The following ZMYM1 variants were observed in gnomAD, a reference collection of about 807,000 sequenced individuals.
ZMYM1 encodes zinc finger MYM-type protein 1.
Under a neutral mutation model 60.0 loss-of-function variants are expected in ZMYM1, and 39 were observed. The ratio of observed to expected loss-of-function variants is 0.65; its 90% CI spans 0.50 to 0.85. The LOEUF is 0.85. ZMYM1 is among the 40% of genes least tolerant of loss of function. The probability of loss-of-function intolerance (pLI) is 0.00; values close to 1 mark genes in which losing one functional copy is unlikely to be tolerated. For synonymous variants in ZMYM1, 413 were observed against 454.0 expected (o/e 0.91, Z 1.15); for missense variants, 1,171 against 1,309.5 (o/e 0.89, Z 1.63).
In ZMYM1 at chr1:35,079,410, A is replaced by T. The variant is rs1642243629; in HGVS notation, c.-107A>T. 4.0e-5 allele frequency: 1 copy of T among 25,210 alleles called. No individual in the cohort carries two copies. The highest frequency in any genetic ancestry group is 6.0e-4 in the Admixed American group (1 of 1,668). 1.6% of individuals were successfully genotyped at this position (25,210 alleles called of 1,614,324 possible). On this transcript the variant is annotated 5_prime_UTR_variant, in exon 1 of 10. Transcript: ENST00000359858. ...CGTTTCGCTTCGAAGATTGTTTCAG[A>T]AGCGTTGGGCGGGGCGTCCCTGAGA...
intron 1 of ZMYM1, among the ~76,000 whole-genome samples, chr1:35,068,181 G>A (rs1022326638): frequency 6.6e-6 from 1 of 152,018 alleles, no homozygotes; most frequent in South Asian, 2.1e-4. Context: ...CACTTTGAGA[G>A]ACCAAGATGG....
At chr1:35,086,851 T>A (rs1335442303) in intron 1 of ZMYM1, among the ~76,000 whole-genome samples, 2 of 151,678 alleles carry the variant, frequency 1.3e-5, no homozygotes, top group Non-Finnish European at 1.5e-5. Context: ...TTGGCTAATT[T>A]TTTTTGTATT....
intron 9 of ZMYM1, 70 bp downstream of exon 9, chr1:35,112,200 C>T: frequency 6.6e-7 from 1 of 1,506,248 alleles, no homozygotes; most frequent in Non-Finnish European, 9.2e-7. Context: ...GTTGTTGAGA[C>T]AGAGTCTCGC....
chr1:35,116,842 T>TTA (rs1166306902), downstream of ZMYM1, among the ~76,000 whole-genome samples: 1 of 131,292 alleles, frequency 7.6e-6, no homozygotes, highest in Non-Finnish European at 1.6e-5. Flanking sequence ...GGAATTTTTT[T>TTA]TTTTTTTTTT....
chr1:35,094,057 A>G lies in ZMYM1; in HGVS notation c.70A>G (p.Ile24Val), dbSNP rs1305820163. 3 of 1,611,260 alleles carry G rather than the reference A, an allele frequency of 1.9e-6. No individual in the cohort carries two copies. Among genetic ancestry groups the G allele is most frequent in the Non-Finnish European group, 1.7e-6 (2 of 1,178,410 alleles). Reference protein sequence around the residue: ...VASQLGLLDEIKTEPDNAQEY... With the variant: ...VASQLGLLDEVKTEPDNAQEY... ...ATCACAGCTGGGGCTGCTAGATGAA[A>G]TTAAGACAGAACCCGACAATGCTCA... Residue 24 changes from isoleucine (I) to valine (V), a missense_variant, in exon 2 of 10, where the codon ATT (isoleucine) becomes GTT (valine). Transcript: ENST00000359858.
chr1:35,104,100 C>A, intron 4 of ZMYM1, 195 bp from the exon 5 acceptor site: 1 of 473,306 alleles, frequency 2.1e-6, no homozygotes, highest in Non-Finnish European at 3.7e-6. Context: ...ATTAGATGTG[C>A]TTTATAATCT....
At chr1:35,103,728 A>G (rs1443998089) in intron 4 of ZMYM1, among the ~76,000 whole-genome samples, 1 of 152,210 alleles carries the variant, frequency 6.6e-6, no homozygotes, top group Non-Finnish European at 1.5e-5. Flanking sequence ...TTGCAAAGTG[A>G]TGTTGCAAAC....
intron 1 of ZMYM1, among the ~76,000 whole-genome samples, chr1:35,067,850 A>G (rs1051439506): frequency 2.6e-5 from 4 of 151,724 alleles, no homozygotes; most frequent in African/African-American, 9.7e-5. Context: ...ACTCCAGTCT[A>G]GGCGACAAGA....
chr1:35,081,429 T>G (rs954312035), intron 1 of ZMYM1, among the ~76,000 whole-genome samples: 1 of 152,076 alleles, frequency 6.6e-6, no homozygotes, highest in Non-Finnish European at 1.5e-5. Flanking sequence ...GCACATTGTA[T>G]ATACATTAGA....
intron 9 of ZMYM1, 81 bp from the exon 10 acceptor site, chr1:35,112,894 CTA>C: frequency 3.3e-6 from 4 of 1,223,724 alleles, no homozygotes; most frequent in Non-Finnish European, 4.3e-6. Context: ...ATTTATTTTA[CTA>C]TGTTATTAGA....
chr1:35,070,279 G>T (rs1433070296), intron 1 of ZMYM1, among the ~76,000 whole-genome samples: 3 of 151,924 alleles, frequency 2.0e-5, no homozygotes. Context: ...ATGTTTTATG[G>T]TTTTCCATGT....
At chr1:35,088,805 C>CTTTTTTTTTTT (rs375136566) in intron 1 of ZMYM1, among the ~76,000 whole-genome samples, 5 of 119,614 alleles carry the variant, frequency 4.2e-5, no homozygotes, top group Non-Finnish European at 8.2e-5. Flanking sequence ...GGATGCTTTC[C>CTTTTTTTTTTT]TTTTTTTTTT....
chr1:35,098,322 G>A (rs192537959), intron 4 of ZMYM1, among the ~76,000 whole-genome samples: 15 of 152,266 alleles, frequency 9.9e-5, no homozygotes, highest in Middle Eastern at 3.4e-3. Flanking sequence ...AAAAATTTAT[G>A]TGAGAATGTG....
chr1:35,110,759 C>T (rs534249640), intron 7 of ZMYM1, among the ~76,000 whole-genome samples: 65 of 151,810 alleles, frequency 4.3e-4, no homozygotes, highest in Admixed American at 6.6e-4. Context: ...GTTGAAACCC[C>T]GTCTCTACTA....
At chr1:35,084,007 T>C (rs1642527261) in intron 1 of ZMYM1, among the ~76,000 whole-genome samples, 1 of 152,180 alleles carries the variant, frequency 6.6e-6, no homozygotes, top group African/African-American at 2.4e-5. Flanking sequence ...TTATTCTAGA[T>C]TCTTATTCTA....
upstream of ZMYM1, among the ~76,000 whole-genome samples, chr1:35,075,369 T>C (rs1467001231): frequency 1.3e-5 from 2 of 152,032 alleles, no homozygotes. Context: ...TTCACTCTTA[T>C]TGCCCAGGAT....
chr1:35,110,245 C>A, intron 6 of ZMYM1, 49 bp from the exon 7 acceptor site: 2 of 1,300,074 alleles, frequency 1.5e-6, no homozygotes, highest in Non-Finnish European at 1.0e-6. Flanking sequence ...TCTTCATTAA[C>A]AACATATCAT....
downstream of ZMYM1, among the ~76,000 whole-genome samples, chr1:35,116,793 A>G (rs1284536766): frequency 2.6e-5 from 4 of 151,028 alleles, no homozygotes; most frequent in Non-Finnish European, 4.4e-5. Context: ...GTGATATTCA[A>G]AGATTTGAAA....
downstream of ZMYM1, among the ~76,000 whole-genome samples, chr1:35,118,236 C>G (rs1338997448): frequency 9.3e-6 from 1 of 107,064 alleles, no homozygotes; most frequent in East Asian, 2.2e-4. Context: ...AGTGAAACTC[C>G]GTCTCAAAAA....
Sources: gnomAD v4.1 joint callset for allele counts (sites outside exome capture counted in the v4.1 genomes callset) on GRCh38, gnomAD v4.1.1 for gene constraint, MANE v1.5 for transcripts, NCBI Gene and HGNC (gene_info 2026-07-23, HGNC 2026-07-21) for gene names.